The following SMS variants were observed in gnomAD, a reference collection of about 807,000 sequenced individuals.
The protein encoded by SMS is spermidine aminopropyltransferase.
In SMS, 3 loss-of-function variants were observed where a neutral mutation model predicts 33.0. The observed-to-expected ratio is 0.09, with a 90% CI of 0.04 to 0.23. The LOEUF (loss-of-function observed/expected upper bound fraction) is 0.23. Among genes scored for constraint, SMS ranks in the 10% least tolerant of loss-of-function variants. The pLI, the probability that SMS is intolerant of heterozygous loss-of-function variation, is 1.00. For synonymous variants in SMS, 103 were observed against 112.2 expected (o/e 0.92, Z 0.52); for missense variants, 117 against 288.6 (o/e 0.41, Z 4.31).
Position 21,940,821 on chromosome X carries a change from C to T in SMS, c.-4C>T, listed in dbSNP as rs1921698010. ...CCAGGCATGGCACAGGGCCTCGCCT[C>T]ACTATGGCAGCAGCACGGCACAGCA... is the stretch of plus-strand genomic sequence containing the variant. On this transcript the variant is annotated 5_prime_UTR_variant, in exon 1 of 11. Coordinates refer to ENST00000404933, the MANE Select transcript of SMS (RefSeq NM_004595.5). 1 of 1,123,916 alleles carries T rather than the reference C, an allele frequency of 8.9e-7. No homozygotes were observed. The highest frequency in any genetic ancestry group is 2.0e-5 in the South Asian group (1 of 50,838). 92.6% of individuals were successfully genotyped at this position (1,123,916 alleles called of 1,213,427 possible). A position where few individuals can be genotyped will look rare whatever the true frequency, so the allele number is the denominator to read the frequency against.
At position 21,994,178 on chromosome X, in the gene SMS, C is replaced by G. The variant is rs184995558; in HGVS notation, c.1062-134C>G. ...CAGAGTGGCCTTATTCAAAGTCCTT[C>G]GTTCTCATTCCCACAGTGCTCTAAG... is the stretch of plus-strand genomic sequence containing the variant. On this transcript the variant is annotated intron_variant, in intron 10 of 10. Coordinates refer to ENST00000404933, the MANE Select transcript of SMS (RefSeq NM_004595.5). The G allele has an allele frequency of 5.6e-4, 344 of 615,214 alleles. No individual in the cohort carries two copies. In the African/African-American group the frequency reaches 7.0e-3, roughly 13 times the overall value. The allele number at this position is 615,214 out of a possible 1,213,427, so 50.7% of individuals were successfully genotyped here.
In SMS at chrX:21,978,034, G is replaced by A; in HGVS notation, c.580G>A (p.Val194Ile). The change falls in exon 6 of 11, where the codon GTA (valine) becomes ATA (isoleucine). Residue 194 changes from valine to isoleucine, a missense_variant. Coordinates refer to ENST00000404933, the MANE Select transcript of SMS (RefSeq NM_004595.5). ...SGKEDYTGKD[V>I]LILGGGDGGI... ...CAAAGAAGATTACACTGGCAAAGATGTACTCATTCTGGGAGGTGGAGACGG... is the reference window on the plus strand; with the variant it reads ...CAAAGAAGATTACACTGGCAAAGATATACTCATTCTGGGAGGTGGAGACGG... 8.3e-7 allele frequency: 1 copy of A among 1,207,891 alleles called. No homozygotes were observed. Among genetic ancestry groups the A allele is most frequent in the Non-Finnish European group, 1.1e-6 (1 of 892,125 alleles).
chrX:21,994,364 C>G lies in SMS; in HGVS notation c.*13C>G, dbSNP rs1925948413. The G allele has an allele frequency of 5.0e-6, 6 of 1,205,139 alleles. No homozygotes were observed. The highest frequency in any genetic ancestry group is 6.7e-6 in the Non-Finnish European group (6 of 889,757). On this transcript the variant is annotated 3_prime_UTR_variant, in exon 11 of 11. Coordinates refer to ENST00000404933, the MANE Select transcript of SMS (RefSeq NM_004595.5). Reference sequence around the variant, plus strand: ...AGCTAAACCCTGAAGATCAGTAGCCCCTAATCACATGTGCTGCAAATAGCC... The same window carrying G: ...AGCTAAACCCTGAAGATCAGTAGCCGCTAATCACATGTGCTGCAAATAGCC...
intron 1 of SMS, among the ~76,000 whole-genome samples, chrX:21,949,733 G>A (rs982545339): frequency 1.8e-5 from 2 of 111,873 alleles, no homozygotes; most frequent in African/African-American, 6.5e-5. Flanking sequence ...TTATGTGCCT[G>A]TGGGCATTCC....
In SMS at chrX:21,940,724, G is replaced by C. The variant is rs1921684136; in HGVS notation, c.-101G>C. ...CCCACCTCCTAGTCCTGGCCTCCCC[G>C]GGCGCAGCACACTCCCAGCCGGCCG... On this transcript the variant is annotated 5_prime_UTR_variant, in exon 1 of 11. Transcript: ENST00000404933. The C allele has an allele frequency of 3.1e-6, 2 of 654,344 alleles. No homozygotes were observed. Among genetic ancestry groups the C allele is most frequent in the East Asian group, 5.3e-5 (1 of 18,760 alleles). 53.9% of individuals were successfully genotyped at this position (654,344 alleles called of 1,213,427 possible). A position where few individuals can be genotyped will look rare whatever the true frequency, so the allele number is the denominator to read the frequency against.
At position 21,992,732 on chromosome X, in the gene SMS, T is replaced by C. The variant is rs761471763; in HGVS notation, c.1061+20T>C. 1.3e-5 allele frequency: 13 copies of C among 978,499 alleles called. No homozygotes were observed. Among genetic ancestry groups the C allele is most frequent in the Non-Finnish European group, 1.9e-5 (13 of 687,627 alleles). 80.6% of individuals were successfully genotyped at this position (978,499 alleles called of 1,213,427 possible). On this transcript the variant is annotated intron_variant, in intron 10 of 10. Coordinates refer to ENST00000404933, the MANE Select transcript of SMS (RefSeq NM_004595.5). ...GGAATTGTATCCTTTGACCGTGACA[T>C]TCTGTTGCCAGATCAAAGCACCCAA...
At position 21,972,888 on chromosome X, in the gene SMS, C is replaced by T. The variant is rs1173140865; in HGVS notation, c.329+317C>T. On this transcript the variant is annotated intron_variant, in intron 4 of 10. Coordinates refer to ENST00000404933, the MANE Select transcript of SMS (RefSeq NM_004595.5). ...CTGAGATCATCGCACCGCTGCACTC[C>T]TGCCTGGGTGACACAATGAGACTGT... Among the ~76,000 whole-genome samples, 7 of 98,297 alleles carry T rather than the reference C, an allele frequency of 7.1e-5. No individual in the cohort carries two copies. In the Admixed American group the frequency reaches 8.1e-4, roughly 11 times the overall value. 85.4% of individuals were successfully genotyped at this position (98,297 alleles called of 115,157 possible). A position where few individuals can be genotyped will look rare whatever the true frequency, so the allele number is the denominator to read the frequency against.
At chrX:21,958,332 G>C (rs955924657) in intron 1 of SMS, among the ~76,000 whole-genome samples, 1 of 112,094 alleles carries the variant, frequency 8.9e-6, no homozygotes, top group Non-Finnish European at 1.9e-5. Flanking sequence ...TTTCTTCTAC[G>C]TGTGGCTTGC....
At position 21,957,959 on chromosome X, in the gene SMS, G is replaced by GT. The variant is rs59565571; in HGVS notation, c.50-9223dup. Among the ~76,000 whole-genome samples, 331 of 94,148 alleles carry GT rather than the reference G, an allele frequency of 3.5e-3. 1 individual carries two copies. Among genetic ancestry groups the GT allele is most frequent in the Non-Finnish European group, 4.4e-3 (202 of 46,035 alleles). 81.8% of individuals were successfully genotyped at this position (94,148 alleles called of 115,157 possible). On this transcript the variant is annotated intron_variant, in intron 1 of 10. Coordinates refer to ENST00000404933, the MANE Select transcript of SMS (RefSeq NM_004595.5). ...TGCCCACTTTTTGATGGGAATATTT[G>GT]TTTTTTTTTTTTTTCTTGCTGATTT...
intron 1 of SMS, among the ~76,000 whole-genome samples, chrX:21,964,897 A>G (rs1261012764): frequency 5.4e-5 from 6 of 112,020 alleles, no homozygotes; most frequent in African/African-American, 2.0e-4. Context: ...ATTCTCTCAC[A>G]GCTCTGGAGG....
intron 1 of SMS, among the ~76,000 whole-genome samples, chrX:21,961,546 G>A (rs762854598): frequency 1.8e-5 from 2 of 111,520 alleles, no homozygotes; most frequent in Admixed American, 9.5e-5. Context: ...TCTCCAAGAC[G>A]GGCCTGTAAA....
intron 7 of SMS, among the ~76,000 whole-genome samples, chrX:21,981,343 A>G (rs767870095): frequency 9.0e-6 from 1 of 110,590 alleles, no homozygotes; most frequent in African/African-American, 3.3e-5. Context: ...AACAATGTCT[A>G]TTCTTCCCAA....
At chrX:21,963,563 C>T (rs762035156) in intron 1 of SMS, among the ~76,000 whole-genome samples, 4 of 112,134 alleles carry the variant, frequency 3.6e-5, no homozygotes, top group Non-Finnish European at 7.5e-5. Flanking sequence ...TTAGCCCACA[C>T]GGTGCCTTTC....
intron 1 of SMS, among the ~76,000 whole-genome samples, chrX:21,949,087 C>T (rs958028391): frequency 8.9e-6 from 1 of 111,748 alleles, no homozygotes. Context: ...AAGGAGCCAC[C>T]GAGCTAGCTA....
intron 9 of SMS, among the ~76,000 whole-genome samples, chrX:21,987,253 T>C (rs944156336): frequency 5.3e-5 from 6 of 112,237 alleles, no homozygotes; most frequent in African/African-American, 1.9e-4. Flanking sequence ...CCCCTCGGCC[T>C]CCCAAAGTGC....
At chrX:21,960,517 CATTTT>C (rs1923269307) in intron 1 of SMS, among the ~76,000 whole-genome samples, 2 of 111,114 alleles carry the variant, frequency 1.8e-5, no homozygotes, top group South Asian at 3.8e-4. Context: ...GAAATGAAAA[CATTTT>C]ATTCATTTTG....
At chrX:21,990,132 T>C (rs1925661095) in intron 9 of SMS, among the ~76,000 whole-genome samples, 1 of 111,810 alleles carries the variant, frequency 8.9e-6, no homozygotes, top group African/African-American at 3.3e-5. Context: ...TTAGTTGACT[T>C]ACAATAAAAA....
intron 7 of SMS, among the ~76,000 whole-genome samples, chrX:21,982,814 A>G (rs1016541892): frequency 8.9e-6 from 1 of 112,435 alleles, no homozygotes; most frequent in African/African-American, 3.2e-5. Context: ...ACGTATGGAA[A>G]AAATATGAGC....
rs150392041 is a variant in SMS at position 21,983,104 on chromosome X, A to G, written c.751-1200A>G. 3.9e-4 allele frequency among the ~76,000 whole-genome samples: 43 copies of G among 111,367 alleles called. 1 individual carries two copies. In the East Asian group the frequency reaches 0.011, roughly 29 times the overall value. The stretch of plus-strand genomic sequence containing the variant: ...GGCTGGAGCACAGTGGTGCGCGATG[A>G]TCATGGCTCACTACAGCCTCAAACT... On this transcript the variant is annotated intron_variant, in intron 7 of 10. Transcript: ENST00000404933.
Sources: gnomAD v4.1 joint callset for allele counts (sites outside exome capture counted in the v4.1 genomes callset) on GRCh38, gnomAD v4.1.1 for gene constraint, MANE v1.5 for transcripts, NCBI Gene and HGNC (gene_info 2026-07-23, HGNC 2026-07-21) for gene names.